The following CROCC2 variants were observed in gnomAD, a reference collection of about 807,000 sequenced individuals.
CROCC2 encodes the protein ciliary rootlet coiled-coil, rootletin family member 2.
A neutral mutation model predicts 177.6 loss-of-function variants in CROCC2; 163 were observed. The observed-to-expected ratio is 0.92, with a 90% CI of 0.81 to 1.05. CROCC2 has a LOEUF of 1.05. CROCC2 is among the 50% of genes least tolerant of loss of function. CROCC2 has a pLI of 0.00. For missense variants in CROCC2, 1,929 were observed against 1,797.8 expected, an observed-to-expected ratio of 1.07 and a Z score of -1.32; for synonymous variants, 904 against 787.3, an observed-to-expected ratio of 1.15 and a Z score of -2.48.
chr2:240,933,824 G>A lies in CROCC2; in HGVS notation c.1618G>A (p.Glu540Lys), dbSNP rs1181016667. 1.3e-6 allele frequency: 2 copies of A among 1,548,014 alleles called. No individual in the cohort carries two copies. The highest frequency in any genetic ancestry group is 2.4e-5 in the South Asian group (2 of 83,966). Residue 540 changes from glutamate (E) to lysine (K), a missense_variant, in exon 11 of 32, where the codon GAG (glutamate) becomes AAG (lysine). By Grantham distance (56) the Glu-to-Lys change is moderately conservative (BLOSUM62 1). Coordinates refer to ENST00000690015, the MANE Select transcript of CROCC2 (RefSeq NM_001351305.2). ...GAGGGAGGAGCTGGCTCTGCGGAGG[G>A]AGCGGAGCTGCAGGGCACTGGAGAC... ...ERREELALRR[E>K]RSCRALETSQ...
intron 28 of CROCC2, among the ~76,000 whole-genome samples, chr2:240,986,237 T>C (rs1472686587): frequency 6.6e-6 from 1 of 152,110 alleles, no homozygotes; most frequent in South Asian, 2.1e-4. Flanking sequence ...GGTGGGGTAG[T>C]CCTGGTGGCC....
At chr2:240,925,981 C>T in intron 5 of CROCC2, 101 bp downstream of exon 5, 1 of 607,448 alleles carries the variant, frequency 1.6e-6, no homozygotes, top group Middle Eastern at 4.4e-4. Context: ...GGCTCAGTGG[C>T]TGTCCCTCTT....
chr2:240,950,406 G>A lies in CROCC2; in HGVS notation c.2725G>A (p.Val909Met). ...RCQLEQEKEL[V>M]TKSAAEREAL... ...CCAGCTGGAGCAGGAGAAGGAGCTG[G>A]TGACAAAAAGTGCAGCTGAGAGGGA... The change falls in exon 18 of 32, where the codon GTG becomes ATG. Residue 909 changes from valine (V) to methionine (M), a missense_variant. By Grantham distance (21) the Val-to-Met change is conservative. Coordinates refer to ENST00000690015, the MANE Select transcript of CROCC2 (RefSeq NM_001351305.2). 2 of 1,550,378 alleles carry A rather than the reference G, an allele frequency of 1.3e-6. No homozygotes were observed. Among genetic ancestry groups the A allele is most frequent in the Non-Finnish European group, 1.7e-6 (2 of 1,146,852 alleles).
In CROCC2 at chr2:240,936,319, C is replaced by A. The variant is rs142312604; in HGVS notation, c.2169+731C>A. ...TTTTTGTCAGTCCAGCAGGTTCCCCCACGTGCCTTCAGCCATTGCCCAAAG... is the reference window on the plus strand; with the variant it reads ...TTTTTGTCAGTCCAGCAGGTTCCCCAACGTGCCTTCAGCCATTGCCCAAAG... On this transcript the variant is annotated intron_variant, in intron 14 of 31. Coordinates refer to ENST00000690015, the MANE Select transcript of CROCC2 (RefSeq NM_001351305.2). Among the ~76,000 whole-genome samples, 18 of 152,344 alleles carry A rather than the reference C, an allele frequency of 1.2e-4. No homozygotes were observed. In the East Asian group the frequency reaches 3.5e-3, roughly 29 times the overall value.
Position 240,982,539 on chromosome 2 carries a change from C to A in CROCC2, c.4402-341C>A, listed in dbSNP as rs191531117. The A allele has an allele frequency of 1.3e-3, 265 of 205,636 alleles. 1 individual carries two copies. Among genetic ancestry groups the A allele is most frequent in the African/African-American group, 5.9e-3 (257 of 43,294 alleles). 12.7% of individuals were successfully genotyped at this position (205,636 alleles called of 1,614,324 possible). ...GGCTTTATCCCAAGGGCAGTAGGAG[C>A]CACCAAGGCTGGAGGCAGGGCAGGG... On this transcript the variant is annotated intron_variant, in intron 27 of 31. Coordinates refer to ENST00000690015, the MANE Select transcript of CROCC2 (RefSeq NM_001351305.2). The surrounding 1 kb of genome is among the most constrained non-coding windows in gnomAD (Gnocchi z 4.7).
chr2:240,975,412 A>G (rs889091800), intron 27 of CROCC2, among the ~76,000 whole-genome samples: 1 of 152,208 alleles, frequency 6.6e-6, no homozygotes, highest in African/African-American at 2.4e-5. Context: ...AGGACGGGGC[A>G]GCTCGCCAGT....
At chr2:240,959,247 T>A (rs927693849) in intron 19 of CROCC2, 54 bp from the exon 20 acceptor site, 2 of 1,536,208 alleles carry the variant, frequency 1.3e-6, no homozygotes. Context: ...TACCTCACCC[T>A]CCACTGCTGG....
At chr2:240,928,697 C>T (rs1028012054) in intron 5 of CROCC2, among the ~76,000 whole-genome samples, 15 of 152,224 alleles carry the variant, frequency 9.9e-5, no homozygotes, top group African/African-American at 2.2e-4. Context: ...GCGTCTACCC[C>T]GTACAGCAGG....
Position 240,921,512 on chromosome 2 carries a change from A to G in CROCC2, c.382-1027A>G, listed in dbSNP as rs74558964. On this transcript the variant is annotated intron_variant, in intron 3 of 31. Transcript: ENST00000690015. ...ACAGGCCAGTGGGAATAGAAGCCACAGAAATGCTGCCGACAGATTAGTAAG... is the reference window on the plus strand; with the variant it reads ...ACAGGCCAGTGGGAATAGAAGCCACGGAAATGCTGCCGACAGATTAGTAAG... Among the ~76,000 whole-genome samples, 2,069 of 152,340 alleles carry G rather than the reference A, an allele frequency of 0.014. 87 individuals are homozygous for G. In the East Asian group the frequency reaches 0.15, roughly 11 times the overall value.
intron 4 of CROCC2, among the ~76,000 whole-genome samples, chr2:240,925,110 T>G (rs1176846989): frequency 6.6e-6 from 1 of 152,132 alleles, no homozygotes; most frequent in Non-Finnish European, 1.5e-5. Context: ...TCGACACATT[T>G]GGTTCATCCT....
intron 1 of CROCC2, among the ~76,000 whole-genome samples, chr2:240,907,664 G>A (rs1326728043): frequency 2.6e-5 from 4 of 152,176 alleles, no homozygotes; most frequent in East Asian, 1.9e-4. Flanking sequence ...ATTTGAATCA[G>A]GCGATGCAAC....
chr2:240,935,286 C>T, intron 13 of CROCC2, 72 bp from the exon 14 acceptor site: 1 of 1,299,078 alleles, frequency 7.7e-7, no homozygotes, highest in Non-Finnish European at 9.9e-7. Context: ...CGGGGCAGGC[C>T]TTGGGGATGG....
chr2:240,981,491 G>C (rs146357820), intron 27 of CROCC2: 2 of 152,220 alleles, frequency 1.3e-5, no homozygotes, highest in Non-Finnish European at 2.9e-5. Flanking sequence ...GGCCAGTGGG[G>C]CTGTGCATTA....
intron 25 of CROCC2, among the ~76,000 whole-genome samples, chr2:240,966,972 G>C (rs970452037): frequency 6.6e-6 from 1 of 152,014 alleles, no homozygotes; most frequent in African/African-American, 2.4e-5. Context: ...CCAGCCCCAG[G>C]GGGCAGGGTC....
intron 1 of CROCC2, among the ~76,000 whole-genome samples, chr2:240,909,176 C>T (rs1163799160): frequency 8.9e-6 from 1 of 112,208 alleles, no homozygotes; most frequent in Admixed American, 8.6e-5. Context: ...CTCGGGTGAC[C>T]TCTACCTCCT....
Position 240,946,259 on chromosome 2 carries a change from C to T in CROCC2, c.2363+6C>T, listed in dbSNP as rs760936093. The T allele has an allele frequency of 6.6e-7, 1 of 1,520,658 alleles. No individual in the cohort carries two copies. The highest frequency in any genetic ancestry group is 1.2e-5 in the South Asian group (1 of 81,976). The allele number at this position is 1,520,658 out of a possible 1,614,324, so 94.2% of individuals were successfully genotyped here. On this transcript the variant is annotated splice_donor_region_variant and intron_variant, in intron 15 of 31. Transcript: ENST00000690015. ...GAAGAGGCAGCTGATCTCAGGTATG[C>T]AAGGGCCTGCCAGTCAGGGCATGTC... is the stretch of plus-strand genomic sequence containing the variant.
intron 20 of CROCC2, among the ~76,000 whole-genome samples, chr2:240,962,042 G>A (rs1162583157): frequency 2.0e-3 from 238 of 117,384 alleles, no homozygotes; most frequent in African/African-American, 4.0e-3. Flanking sequence ...ACGCACACAC[G>A]CGCACACACA....
intron 31 of CROCC2, 75 bp from the exon 32 acceptor site, chr2:240,992,991 C>CA (rs1185085766): frequency 4.3e-6 from 3 of 705,692 alleles, no homozygotes; most frequent in African/African-American, 1.8e-5. Flanking sequence ...TCGGTCCCTC[C>CA]AGCCCCCGGC....
chr2:240,992,267 G>A (rs752465358), intron 31 of CROCC2, among the ~76,000 whole-genome samples: 1 of 152,186 alleles, frequency 6.6e-6, no homozygotes, highest in Non-Finnish European at 1.5e-5. Flanking sequence ...CCAGCCCAGT[G>A]AATCCCTGCA....
Sources: allele counts gnomAD v4.1 joint callset (sites outside exome capture counted in the v4.1 genomes callset), GRCh38; gene constraint gnomAD v4.1.1; non-coding constraint Gnocchi (gnomAD v3.1); transcripts MANE v1.5; gene names NCBI Gene and HGNC (gene_info 2026-07-23, HGNC 2026-07-21).